The following TASP1 variants were observed in gnomAD, a reference collection of about 807,000 sequenced individuals.
TASP1 encodes taspase 1.
TASP1 carries 16 observed loss-of-function variants against 56.6 expected under a neutral mutation model. That is an observed-to-expected ratio of 0.28 (90% CI 0.19 to 0.43). TASP1 has a LOEUF of 0.43. Ranked by LOEUF, TASP1 falls within the 20% of genes least tolerant of loss-of-function variation. The pLI, the probability that TASP1 is intolerant of heterozygous loss-of-function variation, is 1.00. For missense variants in TASP1, 393 were observed against 511.6 expected, an observed-to-expected ratio of 0.77 and a Z score of 2.24; for synonymous variants, 179 against 184.2, an observed-to-expected ratio of 0.97 and a Z score of 0.23.
In TASP1 at chr20:13,572,853, T is replaced by A. The variant is rs1264426655; in HGVS notation, c.489-3267A>T. ...TGTTCTCATGGATGCGAACCTCCCA[T>A]TTTCAAAGAATCATGACTATAATCA... On this transcript the variant is annotated intron_variant, in intron 6 of 13. Transcript: ENST00000337743. Among the ~76,000 whole-genome samples, 10 of 152,230 alleles carry A rather than the reference T, an allele frequency of 6.6e-5. No homozygotes were observed. In the East Asian group the frequency reaches 1.9e-3, roughly 29 times the overall value.
chr20:13,198,817 TC>T, the TASP1 span, among the ~76,000 whole-genome samples: 1 of 140,184 alleles, frequency 7.1e-6, no homozygotes, highest in Admixed American at 7.2e-5. Context: ...TTTCTTTCTT[TC>T]TTTCTTTCTT....
At chr20:13,523,300 G>A (rs2044836469) in intron 10 of TASP1, among the ~76,000 whole-genome samples, 1 of 152,150 alleles carries the variant, frequency 6.6e-6, no homozygotes, top group African/African-American at 2.4e-5. Flanking sequence ...CTGCTAAATA[G>A]AAGCTGAAGC....
chr20:13,523,133 G>C (rs1398937199), intron 10 of TASP1, among the ~76,000 whole-genome samples: 1 of 152,128 alleles, frequency 6.6e-6, no homozygotes, highest in African/African-American at 2.4e-5. Flanking sequence ...CTTGAGTATA[G>C]AAAATTCCTT....
the TASP1 span, among the ~76,000 whole-genome samples, chr20:13,353,125 A>C: frequency 6.6e-6 from 1 of 151,928 alleles, no homozygotes; most frequent in African/African-American, 2.4e-5. Context: ...AGTCCCAACT[A>C]CTCAGGAGGC....
At chr20:13,396,632 T>C (rs1360543740) in intron 13 of TASP1, among the ~76,000 whole-genome samples, 2 of 152,214 alleles carry the variant, frequency 1.3e-5, no homozygotes, top group East Asian at 1.9e-4. Context: ...TATTTTCTCA[T>C]TGTCTTAAAT....
chr20:13,296,685 A>G, the TASP1 span, among the ~76,000 whole-genome samples: 1 of 152,178 alleles, frequency 6.6e-6, no homozygotes, highest in East Asian at 1.9e-4. Flanking sequence ...AAGTCCAGGG[A>G]CCTGGGTGAA....
the TASP1 span, chr20:13,117,778 C>A: frequency 6.7e-7 from 1 of 1,487,758 alleles, no homozygotes. Context: ...CTGGGGATGC[C>A]GTGTGTAGGG....
At chr20:13,153,900 TG>T in the TASP1 span, 6 of 1,456,356 alleles carry the variant, frequency 4.1e-6, no homozygotes, top group Non-Finnish European at 5.6e-6. Context: ...CAGCTAGTGC[TG>T]CTGGCCTGCA....
chr20:13,602,872 C>A (rs547292493), intron 4 of TASP1, among the ~76,000 whole-genome samples: 1 of 152,174 alleles, frequency 6.6e-6, no homozygotes, highest in Admixed American at 6.5e-5. Context: ...GGTTACGGAC[C>A]CCTGCTCTAA....
Position 13,389,645 on chromosome 20 carries a change from T to C in TASP1, c.*715A>G, listed in dbSNP as rs1306188325. ...ACATATTCTTTCATAATATAGTCCA[T>C]ACAGCTCGAAGCTATGCAATATTTA... On this transcript the variant is annotated 3_prime_UTR_variant, in exon 14 of 14. Transcript: ENST00000337743. The C allele has an allele frequency of 6.5e-6, 1 of 152,718 alleles. No individual in the cohort carries two copies. Among genetic ancestry groups the C allele is most frequent in the Non-Finnish European group, 1.5e-5 (1 of 68,084 alleles). 9.5% of individuals were successfully genotyped at this position (152,718 alleles called of 1,614,324 possible).
chr20:13,507,675 AT>A (rs2044181591), intron 10 of TASP1, among the ~76,000 whole-genome samples: 1 of 152,234 alleles, frequency 6.6e-6, no homozygotes. Flanking sequence ...CACAGATTGA[AT>A]GTAATCCTTA....
intron 10 of TASP1, among the ~76,000 whole-genome samples, chr20:13,525,099 T>G (rs1390248085): frequency 6.6e-6 from 1 of 152,166 alleles, no homozygotes; most frequent in Non-Finnish European, 1.5e-5. Context: ...TAATTGACAG[T>G]CTTTTGTTTC....
At chr20:13,577,631 CA>C (rs1473176891) in intron 6 of TASP1, among the ~76,000 whole-genome samples, 1 of 152,144 alleles carries the variant, frequency 6.6e-6, no homozygotes, top group Non-Finnish European at 1.5e-5. Context: ...CCCTTCCCTA[CA>C]CCCCTATCTC....
chr20:13,321,672 C>T, the TASP1 span, among the ~76,000 whole-genome samples: 1 of 152,206 alleles, frequency 6.6e-6, no homozygotes, highest in African/African-American at 2.4e-5. Flanking sequence ...CAAAGACATG[C>T]TTGTGAAGCT....
At chr20:13,205,276 C>G in the TASP1 span, among the ~76,000 whole-genome samples, 1 of 152,150 alleles carries the variant, frequency 6.6e-6, no homozygotes, top group Non-Finnish European at 1.5e-5. Context: ...TTCCCACCTC[C>G]AGGACTGTTT....
chr20:13,514,202 G>A (rs995503003), intron 10 of TASP1, among the ~76,000 whole-genome samples: 2 of 152,028 alleles, frequency 1.3e-5, no homozygotes, highest in Admixed American at 1.3e-4. Context: ...TTTCAATTGG[G>A]AGCCTATTAA....
At chr20:13,306,012 C>T in the TASP1 span, among the ~76,000 whole-genome samples, 2 of 152,096 alleles carry the variant, frequency 1.3e-5, no homozygotes, top group Non-Finnish European at 1.5e-5. Context: ...TATGACTTTG[C>T]TAATTTTCTA....
intron 10 of TASP1, among the ~76,000 whole-genome samples, chr20:13,503,117 G>A (rs544689971): frequency 2.0e-5 from 3 of 152,194 alleles, no homozygotes; most frequent in African/African-American, 7.2e-5. Flanking sequence ...GAGGAGGTTA[G>A]GAGAAGGAAG....
chr20:13,615,279 T>C (rs1308834963), intron 4 of TASP1, among the ~76,000 whole-genome samples: 3 of 152,140 alleles, frequency 2.0e-5, no homozygotes, highest in Admixed American at 6.5e-5. Context: ...TGTCAGGAAA[T>C]GTGTACACCA....
Sources: gnomAD v4.1 joint callset for allele counts (sites outside exome capture counted in the v4.1 genomes callset) on GRCh38, gnomAD v4.1.1 for gene constraint, MANE v1.5 for transcripts, NCBI Gene and HGNC (gene_info 2026-07-23, HGNC 2026-07-21) for gene names.